Variants in PARVA observed in about 807,000 individuals in gnomAD.
PARVA encodes alpha-parvin.
Under a neutral mutation model 52.6 loss-of-function variants are expected in PARVA, and 25 were observed. That is an observed-to-expected ratio of 0.48 (90% CI 0.35 to 0.66). The LOEUF is 0.66. PARVA is among the 30% of genes least tolerant of loss of function. The pLI, the probability that PARVA is intolerant of heterozygous loss-of-function variation, is 0.01. For synonymous variants in PARVA, 185 were observed against 179.1 expected, an observed-to-expected ratio of 1.03 and a Z score of -0.26; for missense variants, 373 against 450.9, an observed-to-expected ratio of 0.83 and a Z score of 1.56.
intron 1 of PARVA, among the ~76,000 whole-genome samples, chr11:12,405,399 T>C (rs1396301599): frequency 6.6e-6 from 1 of 152,014 alleles, no homozygotes; most frequent in East Asian, 1.9e-4. Flanking sequence ...TTTAGAAAAA[T>C]ATATTAAGTA....
intron 1 of PARVA, among the ~76,000 whole-genome samples, chr11:12,422,417 A>G (rs529659461): frequency 6.6e-6 from 1 of 152,366 alleles, no homozygotes; most frequent in African/African-American, 2.4e-5. Context: ...ATATTGTTAG[A>G]CAACTGAGAG....
chr11:12,508,099 T>TAAAAAAAAAAAAAAAAA (rs35314523), intron 6 of PARVA, among the ~76,000 whole-genome samples: 1 of 91,774 alleles, frequency 1.1e-5, no homozygotes, highest in Non-Finnish European at 2.0e-5. Flanking sequence ...ATTTATCAGT[T>TAAAAAAAAAAAAAAAAA]AAAAAAAAAA....
chr11:12,390,517 A>G (rs1939643877), intron 1 of PARVA, among the ~76,000 whole-genome samples: 1 of 152,188 alleles, frequency 6.6e-6, no homozygotes, highest in Non-Finnish European at 1.5e-5. Context: ...CTGGGGACAG[A>G]ACCTGGCAGA....
intron 1 of PARVA, among the ~76,000 whole-genome samples, chr11:12,381,357 A>T (rs1589934733): frequency 6.6e-6 from 1 of 152,092 alleles, no homozygotes; most frequent in Admixed American, 6.5e-5. Context: ...CTCATTCTTC[A>T]TTCCTCAAGA....
Position 12,528,097 on chromosome 11 carries a change from C to CG in PARVA, c.*172_*173insG. 3.2e-6 allele frequency: 2 copies of CG among 634,616 alleles called. No individual in the cohort carries two copies. Among genetic ancestry groups the CG allele is most frequent in the East Asian group, 5.4e-5 (2 of 36,866 alleles). 39.3% of individuals were successfully genotyped at this position (634,616 alleles called of 1,614,324 possible). ...AAATTAGGAAGGAAATCATCAATAACTCAGTGGGCTGACCCATCCCTCCCA... is the reference window on the plus strand; with the variant it reads ...AAATTAGGAAGGAAATCATCAATAACGTCAGTGGGCTGACCCATCCCTCCCA... On this transcript the variant is annotated 3_prime_UTR_variant, in exon 13 of 13. Coordinates refer to ENST00000334956, the MANE Select transcript of PARVA (RefSeq NM_018222.5).
intron 1 of PARVA, among the ~76,000 whole-genome samples, chr11:12,433,186 C>T (rs1940339264): frequency 1.3e-5 from 2 of 152,094 alleles, no homozygotes; most frequent in Admixed American, 6.5e-5. Flanking sequence ...ACGACCTTAC[C>T]CAGCTGAAAC....
At chr11:12,514,774 C>T (rs1484870426) in intron 10 of PARVA, among the ~76,000 whole-genome samples, 1 of 152,236 alleles carries the variant, frequency 6.6e-6, no homozygotes, top group East Asian at 1.9e-4. Flanking sequence ...GCATGAGCCA[C>T]CGCACCCAGC....
chr11:12,492,852 A>AC (rs555927407), intron 4 of PARVA, among the ~76,000 whole-genome samples: 1 of 145,016 alleles, frequency 6.9e-6, no homozygotes, highest in African/African-American at 2.5e-5. Flanking sequence ...CACACACACA[A>AC]GATGTTTATT....
At chr11:12,453,032 G>A (rs1212251501) in intron 1 of PARVA, 2 of 456,328 alleles carry the variant, frequency 4.4e-6, no homozygotes, top group Non-Finnish European at 8.8e-6. Context: ...TGCCCTCAAG[G>A]TAGGTCAGAG....
chr11:12,507,802 C>G (rs1941450864), intron 6 of PARVA, among the ~76,000 whole-genome samples: 1 of 152,266 alleles, frequency 6.6e-6, no homozygotes, highest in South Asian at 2.1e-4. Flanking sequence ...AAACCATTCT[C>G]AGGTGTCTAC....
At position 12,528,022 on chromosome 11, in the gene PARVA, C is replaced by T; in HGVS notation, c.*97C>T. 1 of 853,740 alleles carries T rather than the reference C, an allele frequency of 1.2e-6. No homozygotes were observed. 52.9% of individuals were successfully genotyped at this position (853,740 alleles called of 1,614,324 possible). A position where few individuals can be genotyped will look rare whatever the true frequency, so the allele number is the denominator to read the frequency against. ...TTACCCTGCTTATTCCTGTCTCTTG[C>T]ACTGTGCTCTCCCACAAGTCCAGCT... is the stretch of plus-strand genomic sequence containing the variant. On this transcript the variant is annotated 3_prime_UTR_variant, in exon 13 of 13. Transcript: ENST00000334956.
At position 12,532,691 on chromosome 11, in the gene PARVA, G is replaced by T. The variant is rs1219409338; in HGVS notation, c.*4766G>T. On this transcript the variant is annotated 3_prime_UTR_variant, in exon 13 of 13. Coordinates refer to ENST00000334956, the MANE Select transcript of PARVA (RefSeq NM_018222.5). ...GTCATGAGAAGTCTCCGGCAAAGTG[G>T]CATTTTAAAGTAATCCCTCAGTCGT... Among the ~76,000 whole-genome samples the T allele has an allele frequency of 6.6e-6, 1 of 152,150 alleles. No homozygotes were observed. The highest frequency in any genetic ancestry group is 2.4e-5 in the African/African-American group (1 of 41,434).
chr11:12,431,364 C>T (rs565236215), intron 1 of PARVA, among the ~76,000 whole-genome samples: 85 of 152,320 alleles, frequency 5.6e-4, no homozygotes, highest in African/African-American at 2.0e-3. Flanking sequence ...ACACCCTGTG[C>T]ATTCAGCCCC....
chr11:12,473,597 C>T, intron 1 of PARVA, 148 bp from the exon 2 acceptor site: 1 of 644,584 alleles, frequency 1.6e-6, no homozygotes, highest in Non-Finnish European at 2.8e-6. Context: ...CAGGCGAGGC[C>T]ATGAATTGAT....
At chr11:12,451,288 C>G (rs1940620642) in intron 1 of PARVA, among the ~76,000 whole-genome samples, 1 of 152,188 alleles carries the variant, frequency 6.6e-6, no homozygotes, top group East Asian at 1.9e-4. Context: ...CATCTCATCT[C>G]TAGCAGCTAA....
chr11:12,421,965 A>C (rs1275712824), intron 1 of PARVA, among the ~76,000 whole-genome samples: 1 of 152,228 alleles, frequency 6.6e-6, no homozygotes, highest in Admixed American at 6.5e-5. Context: ...ATGGTGGCTA[A>C]GCCAGTTATT....
At chr11:12,384,378 C>T (rs1237800264) in intron 1 of PARVA, among the ~76,000 whole-genome samples, 1 of 152,198 alleles carries the variant, frequency 6.6e-6, no homozygotes, top group Non-Finnish European at 1.5e-5. Context: ...TAACACGTAC[C>T]ATGCACTGTA....
At chr11:12,518,315 A>G (rs1246295002) in intron 11 of PARVA, 130 bp from the exon 12 acceptor site, 1 of 691,230 alleles carries the variant, frequency 1.4e-6, no homozygotes, top group Non-Finnish European at 2.6e-6. Context: ...TTTGGTAGCC[A>G]TATTTCTCCT....
chr11:12,377,676 C>T lies in PARVA; in HGVS notation c.29C>T (p.Ser10Phe). The change falls in exon 1 of 13, where the codon TCT becomes TTT. Residue 10 changes from serine to phenylalanine, a missense_variant. Physicochemically the swap from Ser to Phe is radical, Grantham distance 155 (BLOSUM62 -2). Transcript: ENST00000334956. Reference protein sequence around the residue: MATSPQKSPSVPKSPTPKSP... With the variant: MATSPQKSPFVPKSPTPKSP... The stretch of plus-strand genomic sequence containing the variant: ...GCCACCTCCCCGCAGAAGTCGCCTT[C>T]TGTCCCCAAGTCTCCCACTCCCAAG... 6.4e-7 allele frequency: 1 copy of T among 1,569,630 alleles called. No homozygotes were observed. The highest frequency in any genetic ancestry group is 8.6e-7 in the Non-Finnish European group (1 of 1,162,778).
Sources: gnomAD v4.1 joint callset for allele counts (sites outside exome capture counted in the v4.1 genomes callset) on GRCh38, gnomAD v4.1.1 for gene constraint, MANE v1.5 for transcripts, NCBI Gene and HGNC (gene_info 2026-07-23, HGNC 2026-07-21) for gene names.